NUP58: variants seen among roughly 807,000 people sequenced by gnomAD.
NUP58 encodes nucleoporin p58/p45.
A neutral mutation model predicts 70.1 loss-of-function variants in NUP58; 17 were observed. The observed-to-expected ratio is 0.24, with a 90% CI of 0.17 to 0.36. The LOEUF is 0.36. Among genes scored for constraint, NUP58 ranks in the 10% least tolerant of loss-of-function variants. The pLI, the probability that NUP58 is intolerant of heterozygous loss-of-function variation, is 1.00. For missense variants in NUP58, 644 were observed against 701.5 expected, an observed-to-expected ratio of 0.92 and a Z score of 0.93; for synonymous variants, 275 against 257.6, an observed-to-expected ratio of 1.07 and a Z score of -0.65.
chr13:25,333,904 T>C, intron 13 of NUP58: 1 of 985,390 alleles, frequency 1.0e-6, no homozygotes, highest in Non-Finnish European at 1.2e-6. Flanking sequence ...TTGCTTTTAT[T>C]TGCATATGAA....
chr13:25,346,140 T>A (rs1416250950), downstream of NUP58, among the ~76,000 whole-genome samples: 1 of 152,184 alleles, frequency 6.6e-6, no homozygotes, highest in East Asian at 1.9e-4. Context: ...TAAATACATA[T>A]GGGTAGGATA....
chr13:25,332,625 T>C (rs914576810), intron 13 of NUP58: 13 of 985,296 alleles, frequency 1.3e-5, no homozygotes, highest in Middle Eastern at 5.2e-4. Flanking sequence ...GTTTAAAAAA[T>C]TGTTCTTCAC....
intron 6 of NUP58, among the ~76,000 whole-genome samples, chr13:25,315,925 T>C (rs879704400): frequency 8.5e-5 from 13 of 152,208 alleles, no homozygotes; most frequent in Non-Finnish European, 1.5e-4. Flanking sequence ...TCTCTGACCT[T>C]ATTGAAGTTA....
Position 25,326,869 on chromosome 13 carries a change from C to G in NUP58, c.1032-47C>G, listed in dbSNP as rs758545638. The G allele has an allele frequency of 4.5e-6, 5 of 1,105,702 alleles. No homozygotes were observed. The South Asian group carries it at 7.4e-5, about 16-fold the overall frequency. 68.5% of individuals were successfully genotyped at this position (1,105,702 alleles called of 1,614,324 possible). ...TATTCCTTAATTTGGATTTGTCACT[C>G]CAAATTAAAAAAATATTTGATCTGA... On this transcript the variant is annotated intron_variant, in intron 10 of 15. Transcript: ENST00000381736.
At chr13:25,345,115 C>T (rs2032032793), downstream of NUP58, among the ~76,000 whole-genome samples, 2 of 152,154 alleles carry the variant, frequency 1.3e-5, no homozygotes, top group Admixed American at 6.5e-5. Flanking sequence ...ATTTTATATA[C>T]TTGACCATGT....
intron 3 of NUP58, among the ~76,000 whole-genome samples, chr13:25,309,681 G>T (rs1412751682): frequency 1.3e-5 from 2 of 152,088 alleles, no homozygotes; most frequent in South Asian, 4.1e-4. Context: ...AAAATTGAGG[G>T]TATTGAACTA....
At chr13:25,347,941 TA>T (rs1379349721) in intron 3 of NUP58, among the ~76,000 whole-genome samples, 2 of 152,240 alleles carry the variant, frequency 1.3e-5, no homozygotes, top group Non-Finnish European at 2.9e-5. Context: ...GCAGTTGATT[TA>T]GAACGAGAAA....
intron 1 of NUP58, among the ~76,000 whole-genome samples, chr13:25,304,308 C>A (rs2030180222): frequency 6.6e-6 from 1 of 151,714 alleles, no homozygotes; most frequent in South Asian, 2.1e-4. Flanking sequence ...AATAATTGGT[C>A]AAGTTTAGGG....
downstream of NUP58, among the ~76,000 whole-genome samples, chr13:25,345,420 CTA>C (rs1454680374): frequency 6.6e-6 from 1 of 151,984 alleles, no homozygotes. Flanking sequence ...GTACCTAGGT[CTA>C]TGTGATTTAA....
chr13:25,319,692 A>G (rs894471704), intron 7 of NUP58, among the ~76,000 whole-genome samples: 21 of 152,130 alleles, frequency 1.4e-4, no homozygotes, highest in African/African-American at 4.8e-4. Context: ...TAAAAAATAT[A>G]TGAATTATTG....
Position 25,335,702 on chromosome 13 carries a change from C to T in NUP58, c.1436-1234C>T, listed in dbSNP as rs189099231. 61 of 984,258 alleles carry T rather than the reference C, an allele frequency of 6.2e-5. No individual in the cohort carries two copies. The South Asian group carries it at 1.1e-3, about 18-fold the overall frequency. 61.0% of individuals were successfully genotyped at this position (984,258 alleles called of 1,614,324 possible). ...CCCAGTGTAGCAAAATGTAGTTCCT[C>T]GGTTGTTTTTCTTTAAATGCTTTAT... On this transcript the variant is annotated intron_variant, in intron 13 of 15. Transcript: ENST00000381736.
chr13:25,330,831 A>G (rs894901576), intron 12 of NUP58, among the ~76,000 whole-genome samples: 11 of 152,194 alleles, frequency 7.2e-5, no homozygotes, highest in African/African-American at 2.7e-4. Context: ...ATACCCTCCA[A>G]CCACTGCTGA....
At chr13:25,303,881 G>A (rs2030159287) in intron 1 of NUP58, among the ~76,000 whole-genome samples, 1 of 152,174 alleles carries the variant, frequency 6.6e-6, no homozygotes, top group African/African-American at 2.4e-5. Flanking sequence ...GAGCAAATGA[G>A]TTATTAGTAA....
At chr13:25,324,928 TA>T in intron 9 of NUP58, 60 bp from the exon 10 acceptor site, 1 of 1,103,072 alleles carries the variant, frequency 9.1e-7, no homozygotes, top group African/African-American at 1.6e-5. Context: ...TTTCGTACGG[TA>T]TTTTTAACAT....
intron 7 of NUP58, among the ~76,000 whole-genome samples, chr13:25,319,872 C>A (rs1266739015): frequency 1.3e-5 from 2 of 152,068 alleles, no homozygotes; most frequent in East Asian, 1.9e-4. Flanking sequence ...TCACTCCTTA[C>A]AAACATCCTG....
At chr13:25,311,572 A>G (rs2137736183) in intron 3 of NUP58, among the ~76,000 whole-genome samples, 1 of 151,682 alleles carries the variant, frequency 6.6e-6, no homozygotes, top group African/African-American at 2.4e-5. Flanking sequence ...ACGGGGTTTC[A>G]CCATGTTGGC....
chr13:25,342,613 TA>T, downstream of NUP58, among the ~76,000 whole-genome samples: 1 of 152,180 alleles, frequency 6.6e-6, no homozygotes, highest in Non-Finnish European at 1.5e-5. Context: ...TGAACATTTT[TA>T]GTTATAAAGA....
At chr13:25,336,687 CTT>C (rs900730151) in intron 13 of NUP58, among the ~76,000 whole-genome samples, 4 of 152,018 alleles carry the variant, frequency 2.6e-5, no homozygotes, top group East Asian at 1.9e-4. Flanking sequence ...CGGTAAGCCT[CTT>C]TTAATTGTCT....
intron 1 of NUP58, among the ~76,000 whole-genome samples, chr13:25,304,505 T>C (rs2030206219): frequency 1.0e-5 from 1 of 99,710 alleles, no homozygotes. Flanking sequence ...TATATATATA[T>C]ATATATATAT....
Sources: gnomAD v4.1 joint callset for allele counts (sites outside exome capture counted in the v4.1 genomes callset) on GRCh38, gnomAD v4.1.1 for gene constraint, MANE v1.5 for transcripts, NCBI Gene and HGNC (gene_info 2026-07-23, HGNC 2026-07-21) for gene names.